The following CFAP276 variants were observed in gnomAD, a reference collection of about 807,000 sequenced individuals.
CFAP276 encodes the protein cilia and flagella associated protein 276.
chr1:109,113,220 T>C, the CFAP276 span, among the ~76,000 whole-genome samples: 478 of 151,788 alleles, frequency 3.1e-3, 1 homozygote, highest in Non-Finnish European at 5.2e-3. Flanking sequence ...CGAAACCCCG[T>C]CTCTACAAAA....
At chr1:109,110,130 C>T in the CFAP276 span, among the ~76,000 whole-genome samples, 1 of 152,172 alleles carries the variant, frequency 6.6e-6, no homozygotes, top group Non-Finnish European at 1.5e-5. Flanking sequence ...GTCCCTTTTA[C>T]TCAAGAATAA....
the CFAP276 span, chr1:109,106,526 A>C: frequency 6.2e-7 from 1 of 1,613,578 alleles, no homozygotes; most frequent in Admixed American, 1.7e-5. Context: ...CCAGTCCTCT[A>C]ACCCTTACCT....
At chr1:109,106,952 A>G in the CFAP276 span, 11 of 1,364,920 alleles carry the variant, frequency 8.1e-6, no homozygotes, top group South Asian at 1.2e-5. Context: ...ATTTTACCTT[A>G]TATGACTGGA....
the CFAP276 span, among the ~76,000 whole-genome samples, chr1:109,111,599 T>G: frequency 6.6e-6 from 1 of 152,118 alleles, no homozygotes; most frequent in African/African-American, 2.4e-5. Context: ...TCTGAGTGCT[T>G]CCATTGCACG....
chr1:109,109,203 C>T, the CFAP276 span, among the ~76,000 whole-genome samples: 11 of 152,002 alleles, frequency 7.2e-5, no homozygotes, highest in African/African-American at 2.4e-4. Flanking sequence ...AATCCCAGCA[C>T]TTTGGGAGGC....
the CFAP276 span, chr1:109,108,055 T>C: frequency 6.8e-7 from 1 of 1,466,354 alleles, no homozygotes. Context: ...AGAGAAACCG[T>C]ATCCAGGACA....
At chr1:109,108,387 C>A in the CFAP276 span, among the ~76,000 whole-genome samples, 1 of 152,204 alleles carries the variant, frequency 6.6e-6, no homozygotes, top group African/African-American at 2.4e-5. Context: ...AAGTGATACA[C>A]CTGTCTCAGC....
chr1:109,109,542 T>TTG, the CFAP276 span, among the ~76,000 whole-genome samples: 1 of 142,000 alleles, frequency 7.0e-6, no homozygotes, highest in Non-Finnish European at 1.6e-5. Context: ...CCTTTTTTTT[T>TTG]TTTTTTTTTT....
chr1:109,111,625 T>C, the CFAP276 span, among the ~76,000 whole-genome samples: 1 of 152,220 alleles, frequency 6.6e-6, no homozygotes, highest in African/African-American at 2.4e-5. Flanking sequence ...ACTCCAGCCC[T>C]TCTAGACTAT....
the CFAP276 span, chr1:109,106,624 G>A: frequency 6.2e-7 from 1 of 1,614,010 alleles, no homozygotes. Flanking sequence ...TGGAGTGGGA[G>A]GGGTTAAAAA....
the CFAP276 span, chr1:109,113,821 GC>G: frequency 7.3e-5 from 64 of 872,804 alleles, no homozygotes; most frequent in African/African-American, 8.8e-4. Flanking sequence ...CGAGCCCCGG[GC>G]CTGCCTGTTG....
chr1:109,113,467 A>AGAGAGAGAGAGAGAGAGAGAGG, the CFAP276 span, among the ~76,000 whole-genome samples: 25 of 126,396 alleles, frequency 2.0e-4, 2 homozygotes, highest in Non-Finnish European at 2.9e-4. Flanking sequence ...AGAGAGAGAG[A>AGAGAGAGAGAGAGAGAGAGAGG]GGCCCACGTG....
chr1:109,113,423 AGAGAGAGAGAGAG>A, the CFAP276 span, among the ~76,000 whole-genome samples: 8 of 62,614 alleles, frequency 1.3e-4, no homozygotes, highest in Non-Finnish European at 1.9e-4. Context: ...AGAAAGAGAG[AGAGAGAGAGAGAG>A]AGAGAGAGAG....
At chr1:109,112,831 A>G in the CFAP276 span, 3 of 1,300,080 alleles carry the variant, frequency 2.3e-6, no homozygotes, top group African/African-American at 3.0e-5. Flanking sequence ...GAATTCCCTC[A>G]GAGGAGGGCG....
At chr1:109,113,801 G>A in the CFAP276 span, 2 of 1,057,424 alleles carry the variant, frequency 1.9e-6, no homozygotes, top group Admixed American at 2.0e-5. Context: ...CTTCCACTGT[G>A]TTCTTCACAC....
At chr1:109,111,149 G>A in the CFAP276 span, among the ~76,000 whole-genome samples, 17 of 152,218 alleles carry the variant, frequency 1.1e-4, no homozygotes, top group African/African-American at 4.1e-4. Flanking sequence ...ACACCCATCT[G>A]ATTGTGTCAC....
chr1:109,109,448 CA>C, the CFAP276 span, among the ~76,000 whole-genome samples: 1 of 144,808 alleles, frequency 6.9e-6, no homozygotes, highest in African/African-American at 2.5e-5. Context: ...GACTCTGTCT[CA>C]AAAAAAATAG....
the CFAP276 span, chr1:109,112,727 G>C: frequency 6.5e-7 from 1 of 1,545,028 alleles, no homozygotes; most frequent in Non-Finnish European, 8.7e-7. Flanking sequence ...CCGCTCAGCC[G>C]CAGCACAGCC....
At chr1:109,109,833 C>T in the CFAP276 span, among the ~76,000 whole-genome samples, 5 of 151,986 alleles carry the variant, frequency 3.3e-5, no homozygotes, top group East Asian at 1.9e-4. Flanking sequence ...CACCGTGCCC[C>T]GCTGTGAGTC....
Sources: gnomAD v4.1 joint callset for allele counts (sites outside exome capture counted in the v4.1 genomes callset) on GRCh38, gnomAD v4.1.1 for gene constraint, MANE v1.5 for transcripts, NCBI Gene and HGNC (gene_info 2026-07-23, HGNC 2026-07-21) for gene names.